The following KAT6B variants were observed in gnomAD, a reference collection of about 807,000 sequenced individuals.
KAT6B encodes histone acetyltransferase KAT6B.
In KAT6B, 10 loss-of-function variants were observed where a neutral mutation model predicts 187.5. That is an observed-to-expected ratio of 0.05 (90% CI 0.03 to 0.09). The LOEUF is 0.09. Ranked by LOEUF, KAT6B falls within the 10% of genes least tolerant of loss-of-function variation. The pLI is 1.00. For missense variants in KAT6B, 1,952 were observed against 2,558.9 expected (o/e 0.76, Z 5.12); for synonymous variants, 861 against 926.8 (o/e 0.93, Z 1.29).
At position 75,025,147 on chromosome 10, in the gene KAT6B, G is replaced by A. The variant is rs749543997; in HGVS notation, c.3562G>A (p.Val1188Ile). 1 of 1,614,232 alleles carries A rather than the reference G, an allele frequency of 6.2e-7. No individual in the cohort carries two copies. The highest frequency in any genetic ancestry group is 8.5e-7 in the Non-Finnish European group (1 of 1,180,034). ...AGTGGAGGAAGATGGCAGGAAGCCA[G>A]TCCTGAGAAAAGCATTCCAGCATCA... ...IEVEEDGRKP[V>I]LRKAFQHQPG... The change falls in exon 17 of 18, where the codon GTC becomes ATC. Residue 1188 changes from valine to isoleucine, a missense_variant. Coordinates refer to ENST00000287239, the MANE Select transcript of KAT6B (RefSeq NM_012330.4).
rs1042303717 is a variant in KAT6B, at chr10:75,031,400, G to A, written c.*354G>A. On this transcript the variant is annotated 3_prime_UTR_variant, in exon 18 of 18. Transcript: ENST00000287239. ...CCCCCAAATTATCTGTTTTAATATT[G>A]AACCTAGAGCTTTTTTTTTCCCTTC... is the stretch of plus-strand genomic sequence containing the variant. 22 of 380,324 alleles carry A rather than the reference G, an allele frequency of 5.8e-5. No homozygotes were observed. The highest frequency in any genetic ancestry group is 1.2e-4 in the African/African-American group (6 of 49,300). 23.6% of individuals were successfully genotyped at this position (380,324 alleles called of 1,614,324 possible).
At chr10:74,846,930 A>G (rs914740639) in intron 3 of KAT6B, among the ~76,000 whole-genome samples, 3 of 152,214 alleles carry the variant, frequency 2.0e-5, no homozygotes, top group African/African-American at 7.2e-5. Context: ...GTATGTTTCA[A>G]TAATTTTGTG....
chr10:74,912,424 A>C (rs1367290053), intron 3 of KAT6B, among the ~76,000 whole-genome samples: 1 of 101,242 alleles, frequency 9.9e-6, no homozygotes, highest in Non-Finnish European at 2.2e-5. Context: ...AAGATAGATG[A>C]AGGTTGAAGG....
chr10:74,914,211 A>G (rs1053885667), intron 3 of KAT6B, among the ~76,000 whole-genome samples: 1 of 151,928 alleles, frequency 6.6e-6, no homozygotes, highest in African/African-American at 2.4e-5. Flanking sequence ...AAAAAAAAAA[A>G]GTATTACTTA....
chr10:74,920,274 C>T (rs912925679), intron 3 of KAT6B, among the ~76,000 whole-genome samples: 4 of 152,174 alleles, frequency 2.6e-5, no homozygotes, highest in Admixed American at 1.3e-4. Context: ...AGTTCACTTT[C>T]CCTCTTTGAA....
intron 3 of KAT6B, among the ~76,000 whole-genome samples, chr10:74,846,270 C>G (rs1026328032): frequency 1.3e-5 from 2 of 152,000 alleles, no homozygotes; most frequent in African/African-American, 4.8e-5. Flanking sequence ...TTCTCTGTGG[C>G]AGAATGTGGG....
Position 74,981,794 on chromosome 10 carries a change from A to G in KAT6B, c.2239A>G (p.Lys747Glu). The stretch of plus-strand genomic sequence containing the variant: ...ATTTTTAAACTTTAACAGATTACCA[A>G]AGCTTTACCTGTGTGAATTCTGTCT... ...PYPQEYARLP[K>E]LYLCEFCLKY... Residue 747 changes from lysine (K) to glutamate (E), a missense_variant, in exon 11 of 18, where the codon AAG becomes GAG. Physicochemically the swap from Lys to Glu is moderately conservative, Grantham distance 56. Around this residue, in one of 9 missense-constraint regions of KAT6B, gnomAD observed 87 missense variants for 191.8 expected, o/e 0.45. Coordinates refer to ENST00000287239, the MANE Select transcript of KAT6B (RefSeq NM_012330.4). The G allele has an allele frequency of 6.5e-7, 1 of 1,530,302 alleles. No individual in the cohort carries two copies. The highest frequency in any genetic ancestry group is 9.1e-7 in the Non-Finnish European group (1 of 1,104,640). 94.8% of individuals were successfully genotyped at this position (1,530,302 alleles called of 1,614,324 possible). A position where few individuals can be genotyped will look rare whatever the true frequency, so the allele number is the denominator to read the frequency against.
intron 3 of KAT6B, among the ~76,000 whole-genome samples, chr10:74,844,408 G>A (rs1841960703): frequency 6.6e-6 from 1 of 151,964 alleles, no homozygotes; most frequent in Non-Finnish European, 1.5e-5. Flanking sequence ...CATGTTGGCC[G>A]GGCTAGTCTC....
At chr10:74,958,024 CATATT>C (rs1374364731) in intron 3 of KAT6B, among the ~76,000 whole-genome samples, 14 of 152,154 alleles carry the variant, frequency 9.2e-5, no homozygotes, top group African/African-American at 3.4e-4. Context: ...AAAGCCTGTG[CATATT>C]ATAAGAACAA....
intron 3 of KAT6B, among the ~76,000 whole-genome samples, chr10:74,871,860 C>T (rs1844005444): frequency 6.6e-6 from 1 of 152,216 alleles, no homozygotes; most frequent in Non-Finnish European, 1.5e-5. Flanking sequence ...AGTCAGAAGA[C>T]TGGCTCCCAT....
rs1321154960 is a variant in KAT6B, at chr10:75,032,457, CAATA to C, written c.*1417_*1420del. 9.1e-5 allele frequency: 17 copies of C among 186,416 alleles called. No homozygotes were observed. The highest frequency in any genetic ancestry group is 3.7e-4 in the African/African-American group (16 of 42,724). 11.5% of individuals were successfully genotyped at this position (186,416 alleles called of 1,614,324 possible). A position where few individuals can be genotyped will look rare whatever the true frequency, so the allele number is the denominator to read the frequency against. On this transcript the variant is annotated 3_prime_UTR_variant, in exon 18 of 18. Coordinates refer to ENST00000287239, the MANE Select transcript of KAT6B (RefSeq NM_012330.4). ...GTTTTGACTTTGGGGGAGGGGTTGG[CAATA>C]AATAAGAGTAATATCTAATAAAACC... is the stretch of plus-strand genomic sequence containing the variant.
chr10:74,967,631 A>G (rs1490104705), intron 4 of KAT6B, among the ~76,000 whole-genome samples: 2 of 152,226 alleles, frequency 1.3e-5, no homozygotes, highest in African/African-American at 4.8e-5. Flanking sequence ...TGCTGCCTAA[A>G]GGAAAGATAG....
intron 1 of KAT6B, among the ~76,000 whole-genome samples, chr10:74,831,058 G>A (rs899560527): frequency 6.6e-6 from 1 of 151,680 alleles, no homozygotes; most frequent in Non-Finnish European, 1.5e-5. Context: ...CAAAGTGCTG[G>A]GATTACAGGC....
intron 13 of KAT6B, among the ~76,000 whole-genome samples, chr10:74,989,923 G>A (rs948291039): frequency 8.6e-5 from 13 of 152,042 alleles, no homozygotes; most frequent in Admixed American, 3.9e-4. Flanking sequence ...CTGGCCGGGC[G>A]TGGTGGCTTA....
intron 2 of KAT6B, among the ~76,000 whole-genome samples, chr10:74,840,496 G>T (rs1292132897): frequency 2.6e-5 from 4 of 152,204 alleles, no homozygotes; most frequent in Non-Finnish European, 4.4e-5. Context: ...CGAAGTTATG[G>T]GGTGGCAGAT....
In KAT6B at chr10:74,959,983, C is replaced by G. The variant is rs1840985591; in HGVS notation, c.635C>G (p.Pro212Arg). ...PHEKDQPRAD[P>R]IPICSFCLGT... ...ATTTTGTCATAGCCCCGTGCTGATC[C>G]CATTCCAATATGTAGCTTCTGTTTG... is the stretch of plus-strand genomic sequence containing the variant. Residue 212 changes from proline to arginine, a missense_variant, in exon 4 of 18, where the codon CCC becomes CGC. Pro to Arg is a moderately radical substitution (Grantham distance 103). Coordinates refer to ENST00000287239, the MANE Select transcript of KAT6B (RefSeq NM_012330.4). The G allele has an allele frequency of 6.2e-7, 1 of 1,609,508 alleles. No homozygotes were observed. The highest frequency in any genetic ancestry group is 1.1e-5 in the South Asian group (1 of 90,962).
chr10:74,895,939 TTTG>T (rs754257877), intron 3 of KAT6B, among the ~76,000 whole-genome samples: 25 of 152,228 alleles, frequency 1.6e-4, no homozygotes, highest in Non-Finnish European at 2.5e-4. Flanking sequence ...ACACTGCTTT[TTTG>T]TTGTTGTTGT....
At chr10:74,848,738 T>C (rs1842283150) in intron 3 of KAT6B, among the ~76,000 whole-genome samples, 1 of 152,180 alleles carries the variant, frequency 6.6e-6, no homozygotes, top group African/African-American at 2.4e-5. Flanking sequence ...TTTCTTATAC[T>C]AAATCATAGT....
At chr10:74,831,171 G>A (rs2131950063) in intron 1 of KAT6B, among the ~76,000 whole-genome samples, 1 of 152,206 alleles carries the variant, frequency 6.6e-6, no homozygotes, top group East Asian at 1.9e-4. Context: ...GCTTTTAAAA[G>A]TTGGGCCTTG....
Sources: gnomAD v4.1 joint callset for allele counts (sites outside exome capture counted in the v4.1 genomes callset) on GRCh38, gnomAD v4.1.1 for gene constraint, gnomAD v4.1.1 regional missense constraint, MANE v1.5 for transcripts, NCBI Gene and HGNC (gene_info 2026-07-23, HGNC 2026-07-21) for gene names.